Variants in CCDC88C observed in about 807,000 individuals in gnomAD.
CCDC88C encodes protein Daple.
CCDC88C carries 131 observed loss-of-function variants against 198.8 expected under a neutral mutation model. The observed-to-expected ratio is 0.66, with a 90% CI of 0.57 to 0.76. CCDC88C has a LOEUF of 0.76. Among genes scored for constraint, CCDC88C ranks in the 30% least tolerant of loss-of-function variants. The probability of loss-of-function intolerance (pLI) is 0.00; values close to 1 mark genes in which losing one functional copy is unlikely to be tolerated. For synonymous variants in CCDC88C, 1,166 were observed against 1,114.7 expected (o/e 1.05, Z -0.92); for missense variants, 2,553 against 2,631.6 (o/e 0.97, Z 0.65).
chr14:91,334,311 G>A (rs1284826781), intron 10 of CCDC88C, among the ~76,000 whole-genome samples: 1 of 152,098 alleles, frequency 6.6e-6, no homozygotes, highest in Non-Finnish European at 1.5e-5. Context: ...GCACGATCTC[G>A]GCTCACCACA....
rs930070631 is a variant in CCDC88C, at chr14:91,281,338, C to T, written c.4699+119G>A. ...GGAGGGGAAGGAAGAATGGGTCCCC[C>T]ATTTCCACCTTCATTTGGTGTTGGA... On this transcript the variant is annotated intron_variant, in intron 27 of 29. Transcript: ENST00000389857. 1.2e-5 allele frequency: 19 copies of T among 1,556,646 alleles called. No homozygotes were observed. The African/African-American group carries it at 2.2e-4, about 18-fold the overall frequency.
At chr14:91,351,883 C>CGA (rs1677109170) in intron 4 of CCDC88C, among the ~76,000 whole-genome samples, 1 of 152,112 alleles carries the variant, frequency 6.6e-6, no homozygotes, top group Non-Finnish European at 1.5e-5. Flanking sequence ...ATCAGCCCCT[C>CGA]GGAGCACCCT....
chr14:91,339,915 C>G lies in CCDC88C; in HGVS notation c.593G>C (p.Arg198Thr). 1 of 1,593,198 alleles carries G rather than the reference C, an allele frequency of 6.3e-7. No homozygotes were observed. Among genetic ancestry groups the G allele is most frequent in the East Asian group, 2.3e-5 (1 of 43,490 alleles). Residue 198 changes from arginine to threonine, a missense_variant, in exon 7 of 30, where the codon AGG becomes ACG. Physicochemically the swap from Arg to Thr is moderately conservative, Grantham distance 71 (BLOSUM62 -1). This residue lies in a region of CCDC88C where 1,260 missense variants were observed against 1,412.0 expected (regional missense o/e 0.89). Transcript: ENST00000389857. The surrounding 1 kb of genome is among the most constrained non-coding windows in gnomAD (Gnocchi z 5.8). ...LSRSMVLHLR[R>T]LIDQRDECTE... ...GCACTCGTCCCGCTGGTCGATGAGC[C>G]TCCGCAGGTGGAGCACCATGCTCCT...
intron 21 of CCDC88C, among the ~76,000 whole-genome samples, chr14:91,298,070 TA>T (rs1168342367): frequency 2.0e-5 from 3 of 152,220 alleles, no homozygotes; most frequent in Admixed American, 2.0e-4. Flanking sequence ...GAAAGCTCAT[TA>T]CCAGGGTCTT....
intron 25 of CCDC88C, among the ~76,000 whole-genome samples, chr14:91,286,921 G>C (rs1442064473): frequency 6.6e-6 from 1 of 152,198 alleles, no homozygotes; most frequent in Non-Finnish European, 1.5e-5. Context: ...TGATAGGGTC[G>C]TTAGGATTCA....
At chr14:91,401,229 T>C (rs1388273091) in intron 3 of CCDC88C, among the ~76,000 whole-genome samples, 1 of 111,046 alleles carries the variant, frequency 9.0e-6, no homozygotes, top group Non-Finnish European at 2.0e-5. Flanking sequence ...AGTAAGAATA[T>C]ATATATTTAT....
intron 15 of CCDC88C, among the ~76,000 whole-genome samples, chr14:91,312,151 G>T (rs146904321): frequency 8.0e-4 from 122 of 152,324 alleles, no homozygotes; most frequent in Non-Finnish European, 1.5e-3. Context: ...CACTTTGGGA[G>T]CCTGAGGCAG....
Position 91,338,865 on chromosome 14 carries a change from G to A in CCDC88C, c.810-295C>T. 1 of 493,394 alleles carries A rather than the reference G, an allele frequency of 2.0e-6. No individual in the cohort carries two copies. The highest frequency in any genetic ancestry group is 3.7e-6 in the Non-Finnish European group (1 of 270,300). The allele number at this position is 493,394 out of a possible 1,614,324, so 30.6% of individuals were successfully genotyped here. A position where few individuals can be genotyped will look rare whatever the true frequency, so the allele number is the denominator to read the frequency against. ...GGCAGCTGTACCACCCCACAGCCAG[G>A]CTCCACAGGTGACATCCATCAGCTG... On this transcript the variant is annotated intron_variant, in intron 8 of 29. Transcript: ENST00000389857. This position sits in a 1 kb window ranked among gnomAD's most constrained non-coding sequence, Gnocchi z 4.8.
chr14:91,340,593 C>T (rs1319304892), intron 6 of CCDC88C, among the ~76,000 whole-genome samples: 5 of 152,218 alleles, frequency 3.3e-5, no homozygotes, highest in Non-Finnish European at 4.4e-5. Context: ...GCTCTGTCTA[C>T]GTGAAACAGC....
intron 12 of CCDC88C, among the ~76,000 whole-genome samples, chr14:91,322,498 G>T (rs1336202260): frequency 6.6e-6 from 1 of 152,140 alleles, no homozygotes; most frequent in South Asian, 2.1e-4. Flanking sequence ...ATACAAGGAC[G>T]CTTGGAGGGC....
intron 28 of CCDC88C, 102 bp downstream of exon 28, chr14:91,279,136 G>T: frequency 1.1e-6 from 1 of 920,276 alleles, no homozygotes; most frequent in Non-Finnish European, 1.7e-6. Flanking sequence ...CTGGGCTCAA[G>T]CGATCCACCT....
chr14:91,301,653 G>A (rs1171080027), intron 20 of CCDC88C, among the ~76,000 whole-genome samples: 2 of 152,210 alleles, frequency 1.3e-5, no homozygotes, highest in Non-Finnish European at 2.9e-5. Flanking sequence ...GGAGGTGGAG[G>A]CTGCTGTGAG....
rs1314896640 is a variant in CCDC88C at position 91,293,417 on chromosome 14, T to C, written c.4112+756A>G. On this transcript the variant is annotated intron_variant, in intron 23 of 29. Transcript: ENST00000389857. ...CAGCCCACCTTCCTGCCCCCTCACCTGCCACGGCCCACCTTCCCGTCCTCA... is the reference window on the plus strand; with the variant it reads ...CAGCCCACCTTCCTGCCCCCTCACCCGCCACGGCCCACCTTCCCGTCCTCA... 8.6e-4 allele frequency among the ~76,000 whole-genome samples: 16 copies of C among 18,510 alleles called. 1 individual carries two copies. The highest frequency in any genetic ancestry group is 1.9e-3 in the South Asian group (1 of 538). The allele number at this position is 18,510 out of a possible 152,430, so 12.1% of individuals were successfully genotyped here. A position where few individuals can be genotyped will look rare whatever the true frequency, so the allele number is the denominator to read the frequency against.
chr14:91,281,260 A>G, intron 27 of CCDC88C, 197 bp downstream of exon 27: 1 of 1,398,842 alleles, frequency 7.1e-7, no homozygotes, highest in Non-Finnish European at 9.7e-7. Flanking sequence ...GGAGGTAGCG[A>G]ATTCCCCACC....
chr14:91,287,768 T>C (rs999663887), intron 25 of CCDC88C, among the ~76,000 whole-genome samples: 13 of 149,342 alleles, frequency 8.7e-5, no homozygotes, highest in African/African-American at 3.2e-4. Context: ...TGTTATATCC[T>C]CCGCCTCCAA....
Position 91,294,326 on chromosome 14 carries a change from A to G in CCDC88C, c.3967-8T>C, listed in dbSNP as rs1204677709. The G allele has an allele frequency of 1.2e-6, 2 of 1,613,536 alleles. No homozygotes were observed. Among genetic ancestry groups the G allele is most frequent in the African/African-American group, 1.3e-5 (1 of 74,906 alleles). ...CTTGAGACGGGAGAGCAGCTAGAACACAGACCAACAGCGTCTCAGACACCA... is the reference window on the plus strand; with the variant it reads ...CTTGAGACGGGAGAGCAGCTAGAACGCAGACCAACAGCGTCTCAGACACCA... On this transcript the variant is annotated splice_region_variant and splice_polypyrimidine_tract_variant and intron_variant, in intron 22 of 29. Coordinates refer to ENST00000389857, the MANE Select transcript of CCDC88C (RefSeq NM_001080414.4).
At chr14:91,392,918 CGGCG>C (rs952255065) in intron 3 of CCDC88C, among the ~76,000 whole-genome samples, 2 of 152,120 alleles carry the variant, frequency 1.3e-5, no homozygotes, top group Non-Finnish European at 2.9e-5. Context: ...GGTGTGATGA[CGGCG>C]ATAATGATGT....
chr14:91,294,417 G>GTTCAACGCAGCA, intron 22 of CCDC88C, 99 bp from the exon 23 acceptor site: 1 of 1,364,934 alleles, frequency 7.3e-7, no homozygotes, highest in Non-Finnish European at 1.0e-6. Flanking sequence ...GCACAAAGAT[G>GTTCAACGCAGCA]TTCAACGCAG....
At chr14:91,362,295 G>C (rs1198597387) in intron 3 of CCDC88C, among the ~76,000 whole-genome samples, 1 of 151,400 alleles carries the variant, frequency 6.6e-6, no homozygotes, top group Non-Finnish European at 1.5e-5. Flanking sequence ...AAAAAACAAA[G>C]GTCATCACCA....
Sources: gnomAD v4.1 joint callset for allele counts (sites outside exome capture counted in the v4.1 genomes callset) on GRCh38, gnomAD v4.1.1 for gene constraint, gnomAD v4.1.1 regional missense constraint, Gnocchi (gnomAD v3.1) non-coding constraint, MANE v1.5 for transcripts, NCBI Gene and HGNC (gene_info 2026-07-23, HGNC 2026-07-21) for gene names.